The following RAMP3 variants were observed in gnomAD, a reference collection of about 807,000 sequenced individuals.
RAMP3 encodes the protein receptor activity-modifying protein 3.
Under a neutral mutation model 13.5 loss-of-function variants are expected in RAMP3, and 14 were observed. The ratio of observed to expected loss-of-function variants is 1.04; its 90% CI spans 0.69 to 1.63. RAMP3 has a LOEUF of 1.63. Among genes scored for constraint, RAMP3 ranks in the 40% most tolerant of loss-of-function variants. The pLI, the probability that RAMP3 is intolerant of heterozygous loss-of-function variation, is 0.00. For synonymous variants in RAMP3, 106 were observed against 88.3 expected, an observed-to-expected ratio of 1.20 and a Z score of -1.12; for missense variants, 200 against 204.8, an observed-to-expected ratio of 0.98 and a Z score of 0.14.
intron 1 of RAMP3, among the ~76,000 whole-genome samples, chr7:45,172,463 T>C (rs1363182822): frequency 2.0e-5 from 3 of 152,212 alleles, no homozygotes; most frequent in African/African-American, 7.2e-5. Context: ...CAGAAGTCTG[T>C]ACCCCCTTGT....
At chr7:45,171,199 A>T (rs1450291699) in intron 1 of RAMP3, among the ~76,000 whole-genome samples, 1 of 150,246 alleles carries the variant, frequency 6.7e-6, no homozygotes, top group Non-Finnish European at 1.5e-5. Flanking sequence ...TCTGTTGCCC[A>T]GGCTGGAGTA....
At chr7:45,178,681 C>T (rs979253442) in intron 2 of RAMP3, among the ~76,000 whole-genome samples, 6 of 152,232 alleles carry the variant, frequency 3.9e-5, no homozygotes. Context: ...TGGACACAGG[C>T]CTGGAATGGA....
chr7:45,177,376 G>A lies in RAMP3; in HGVS notation c.126G>A (p.Lys42=), dbSNP rs2128658106. 6.2e-7 allele frequency: 1 copy of A among 1,614,196 alleles called. No homozygotes were observed. The highest frequency in any genetic ancestry group is 1.3e-5 in the African/African-American group (1 of 75,060). ...GMLERLPLCG[K]AFADMMGKVD... is the part of the protein sequence containing the mutation. The stretch of plus-strand genomic sequence containing the variant: ...TGGAGAGGCTGCCCCTGTGTGGGAA[G>A]GCTTTCGCAGACATGATGGGCAAGG... Residue 42 remains lysine, a synonymous_variant, in exon 2 of 3, where the codon AAG becomes AAA. Coordinates refer to ENST00000242249, the MANE Select transcript of RAMP3 (RefSeq NM_005856.3).
chr7:45,157,955 G>T, intron 1 of RAMP3, 69 bp downstream of exon 1: 2 of 1,270,946 alleles, frequency 1.6e-6, no homozygotes, highest in Non-Finnish European at 2.0e-6. Context: ...GGGTGGACCC[G>T]CGCCTTCCCG....
chr7:45,183,024 C>T, intron 2 of RAMP3, 133 bp from the exon 3 acceptor site: 1 of 1,277,424 alleles, frequency 7.8e-7, no homozygotes, highest in Non-Finnish European at 1.1e-6. Context: ...GGGGATTTTC[C>T]AAGGCTGGGC....
intron 2 of RAMP3, among the ~76,000 whole-genome samples, chr7:45,178,203 C>A (rs1037632189): frequency 2.0e-5 from 3 of 152,150 alleles, no homozygotes; most frequent in African/African-American, 4.8e-5. Context: ...AATTGGGTTC[C>A]AATGGTTTAT....
chr7:45,158,421 G>C (rs1458396964), intron 1 of RAMP3, among the ~76,000 whole-genome samples: 2 of 152,242 alleles, frequency 1.3e-5, no homozygotes, highest in Non-Finnish European at 2.9e-5. Flanking sequence ...GGGGAAGCGG[G>C]GCGACTCTCT....
intron 1 of RAMP3, among the ~76,000 whole-genome samples, chr7:45,160,615 G>A (rs569359845): frequency 6.6e-6 from 1 of 152,196 alleles, no homozygotes; most frequent in African/African-American, 2.4e-5. Flanking sequence ...TGCTCTTTCT[G>A]TCAAGGAGGG....
chr7:45,161,903 G>A (rs753802427), intron 1 of RAMP3, among the ~76,000 whole-genome samples: 13 of 152,146 alleles, frequency 8.5e-5, no homozygotes, highest in Admixed American at 2.6e-4. Flanking sequence ...GATGGTGGGC[G>A]GAGCTCAGGA....
intron 1 of RAMP3, among the ~76,000 whole-genome samples, chr7:45,161,446 A>G (rs3801408): frequency 0.36 from 55,240 of 151,978 alleles, 12,402 homozygotes; most frequent in Admixed American, 0.48. Flanking sequence ...TCAGAGCATC[A>G]TAGTTAATGT....
At chr7:45,177,591 T>C (rs780417950) in intron 2 of RAMP3, 150 bp downstream of exon 2, 2 of 1,220,218 alleles carry the variant, frequency 1.6e-6, no homozygotes, top group Non-Finnish European at 2.3e-6. Flanking sequence ...AGCCCTTTCA[T>C]GTGCTGCCCC....
chr7:45,167,044 G>A (rs2128656057), intron 1 of RAMP3, among the ~76,000 whole-genome samples: 2 of 144,576 alleles, frequency 1.4e-5, no homozygotes, highest in East Asian at 4.0e-4. Flanking sequence ...TGCAAGCTCC[G>A]CCTCCTGGGT....
At chr7:45,162,194 T>G (rs947564380) in intron 1 of RAMP3, among the ~76,000 whole-genome samples, 1 of 152,128 alleles carries the variant, frequency 6.6e-6, no homozygotes, top group Admixed American at 6.5e-5. Flanking sequence ...TCGCTTTCTT[T>G]TGGGCCTCCA....
At chr7:45,172,051 G>T (rs916342263) in intron 1 of RAMP3, among the ~76,000 whole-genome samples, 2 of 149,752 alleles carry the variant, frequency 1.3e-5, no homozygotes, top group African/African-American at 5.0e-5. Context: ...AGTGAGCTGG[G>T]GTGGGGTGGT....
chr7:45,175,430 AG>A (rs1786162034), intron 1 of RAMP3, among the ~76,000 whole-genome samples: 1 of 152,162 alleles, frequency 6.6e-6, no homozygotes. Flanking sequence ...CATGGACAGA[AG>A]GGGAGATGTG....
intron 1 of RAMP3, among the ~76,000 whole-genome samples, chr7:45,161,882 G>A (rs1357459029): frequency 5.3e-5 from 8 of 152,120 alleles, no homozygotes; most frequent in Non-Finnish European, 1.0e-4. Flanking sequence ...AGCCTGGCTC[G>A]TGCCCATTGG....
chr7:45,174,577 A>G (rs952512171), intron 1 of RAMP3, among the ~76,000 whole-genome samples: 4 of 152,010 alleles, frequency 2.6e-5, no homozygotes, highest in Non-Finnish European at 4.4e-5. Context: ...CCACTGCACC[A>G]TCCCTTTCAG....
intron 2 of RAMP3, among the ~76,000 whole-genome samples, chr7:45,180,116 C>T (rs752831192): frequency 6.6e-5 from 10 of 152,252 alleles, no homozygotes; most frequent in Non-Finnish European, 1.0e-4. Context: ...CAAGCTCTGG[C>T]GGCTGTGCGC....
intron 2 of RAMP3, among the ~76,000 whole-genome samples, chr7:45,179,912 G>C (rs1163252540): frequency 3.3e-5 from 5 of 152,160 alleles, no homozygotes; most frequent in Non-Finnish European, 5.9e-5. Context: ...GGAGATGAGG[G>C]GATCAGAGGC....
Sources: allele counts gnomAD v4.1 joint callset (sites outside exome capture counted in the v4.1 genomes callset), GRCh38; gene constraint gnomAD v4.1.1; transcripts MANE v1.5; gene names NCBI Gene and HGNC (gene_info 2026-07-23, HGNC 2026-07-21).